The following FUT9 variants were observed in gnomAD, a reference collection of about 807,000 sequenced individuals.
FUT9 encodes the protein 4-galactosyl-N-acetylglucosaminide 3-alpha-L-fucosyltransferase 9.
In FUT9, 15 loss-of-function variants were observed where a neutral mutation model predicts 29.7. The observed-to-expected ratio is 0.51, with a 90% CI of 0.34 to 0.78. FUT9 has a LOEUF of 0.78. Among genes scored for constraint, FUT9 ranks in the 30% least tolerant of loss-of-function variants. The pLI is 0.01. For synonymous variants in FUT9, 169 were observed against 153.7 expected, an observed-to-expected ratio of 1.10 and a Z score of -0.74; for missense variants, 319 against 425.4, an observed-to-expected ratio of 0.75 and a Z score of 2.20.
chr6:96,179,454 AGAG>A (rs755769259), intron 2 of FUT9, among the ~76,000 whole-genome samples: 5 of 152,134 alleles, frequency 3.3e-5, no homozygotes, highest in Non-Finnish European at 7.4e-5. Flanking sequence ...ATGGGAGCAC[AGAG>A]GAGGAACATC....
intron 2 of FUT9, among the ~76,000 whole-genome samples, chr6:96,125,495 G>A (rs1429104163): frequency 1.3e-5 from 2 of 152,186 alleles, no homozygotes; most frequent in African/African-American, 4.8e-5. Context: ...TATTGTCTAT[G>A]TGTAAGTCAC....
chr6:96,081,831 T>C (rs1445477769), intron 1 of FUT9, among the ~76,000 whole-genome samples: 1 of 151,930 alleles, frequency 6.6e-6, no homozygotes, highest in East Asian at 1.9e-4. Flanking sequence ...CCAATACTCA[T>C]TATTGTCTCT....
In FUT9 at chr6:96,110,005, A is replaced by G. The variant is rs139807074; in HGVS notation, c.-97-4034A>G. On this transcript the variant is annotated intron_variant, in intron 1 of 2. Transcript: ENST00000302103. ...GCTTGTTACTGTCGTGGGACTTTGC[A>G]CTTTGTGTCTACTCTCCTTGTAATG... is the stretch of plus-strand genomic sequence containing the variant. Among the ~76,000 whole-genome samples, 461 of 152,154 alleles carry G rather than the reference A, an allele frequency of 3.0e-3. 1 individual carries two copies. The highest frequency in any genetic ancestry group is 0.01 in the African/African-American group (432 of 41,506).
At chr6:96,098,666 T>G (rs1157670506) in intron 1 of FUT9, among the ~76,000 whole-genome samples, 3 of 152,102 alleles carry the variant, frequency 2.0e-5, no homozygotes, top group African/African-American at 7.2e-5. Context: ...AAAATTACTT[T>G]AAGAATAATA....
chr6:96,164,483 C>A (rs945115318), intron 2 of FUT9, among the ~76,000 whole-genome samples: 1 of 152,086 alleles, frequency 6.6e-6, no homozygotes, highest in African/African-American at 2.4e-5. Context: ...TGGTCTCAAC[C>A]TCCTGACCTC....
intron 1 of FUT9, among the ~76,000 whole-genome samples, chr6:96,047,371 A>T (rs1770582476): frequency 6.6e-6 from 1 of 152,156 alleles, no homozygotes; most frequent in Admixed American, 6.6e-5. Flanking sequence ...ACATTTAGTT[A>T]CAAAATAGTT....
At chr6:96,107,945 G>A (rs1771723089) in intron 1 of FUT9, among the ~76,000 whole-genome samples, 1 of 149,842 alleles carries the variant, frequency 6.7e-6, no homozygotes, top group South Asian at 2.1e-4. Flanking sequence ...AACAAGAGCT[G>A]TAGAAGTAAG....
chr6:96,059,028 A>G (rs573199048), intron 1 of FUT9, among the ~76,000 whole-genome samples: 60 of 152,356 alleles, frequency 3.9e-4, no homozygotes, highest in African/African-American at 1.4e-3. Context: ...CTCTCTTAAT[A>G]GAACATAAAA....
chr6:96,180,935 G>GA (rs5878423), intron 2 of FUT9, among the ~76,000 whole-genome samples: 134,817 of 148,342 alleles, frequency 0.91, 62,497 homozygotes, highest in Non-Finnish European at 0.99. Context: ...TTAAGTAAAA[G>GA]AAAAAAAAAA....
chr6:96,180,802 T>C (rs1273822856), intron 2 of FUT9, among the ~76,000 whole-genome samples: 1 of 152,068 alleles, frequency 6.6e-6, no homozygotes, highest in South Asian at 2.1e-4. Flanking sequence ...CAGTATTCTA[T>C]TGTGTATATT....
chr6:96,107,711 C>T (rs1771718350), intron 1 of FUT9, among the ~76,000 whole-genome samples: 1 of 152,092 alleles, frequency 6.6e-6, no homozygotes, highest in Non-Finnish European at 1.5e-5. Flanking sequence ...GTCAATGGTC[C>T]TAAGTGTTAC....
At chr6:96,107,094 G>A (rs865928057) in intron 1 of FUT9, among the ~76,000 whole-genome samples, 37 of 152,072 alleles carry the variant, frequency 2.4e-4, no homozygotes, top group African/African-American at 7.5e-4. Context: ...TGGATCTCTA[G>A]GGCATAGCTT....
At chr6:96,095,010 C>T (rs1461440550) in intron 1 of FUT9, among the ~76,000 whole-genome samples, 1 of 152,056 alleles carries the variant, frequency 6.6e-6, no homozygotes, top group Non-Finnish European at 1.5e-5. Flanking sequence ...TCCTTTCTCA[C>T]CTCATGCTTC....
chr6:96,157,432 G>A lies in FUT9; in HGVS notation c.-9+43305G>A, dbSNP rs942494010. On this transcript the variant is annotated intron_variant, in intron 2 of 2. Coordinates refer to ENST00000302103, the MANE Select transcript of FUT9 (RefSeq NM_006581.4). ...AGTTTTGTGTTTTTCCTTTGGAAGA[G>A]AATGCCTAATAAAATGAGTTGAGGA... 1.1e-4 allele frequency among the ~76,000 whole-genome samples: 17 copies of A among 152,272 alleles called. No individual in the cohort carries two copies. In the East Asian group the frequency reaches 3.1e-3, roughly 28 times the overall value.
At chr6:96,202,923 T>C (rs1310684858) in intron 2 of FUT9, among the ~76,000 whole-genome samples, 3 of 152,190 alleles carry the variant, frequency 2.0e-5, no homozygotes, top group South Asian at 4.1e-4. Flanking sequence ...GAAGATATGC[T>C]GGTACTTTTA....
chr6:96,162,018 G>A (rs1291260584), intron 2 of FUT9, among the ~76,000 whole-genome samples: 1 of 152,082 alleles, frequency 6.6e-6, no homozygotes, highest in African/African-American at 2.4e-5. Context: ...CAGTGGTTTT[G>A]ATCTTTACCA....
intron 2 of FUT9, among the ~76,000 whole-genome samples, chr6:96,160,501 T>C (rs1386429797): frequency 6.6e-6 from 1 of 152,180 alleles, no homozygotes; most frequent in African/African-American, 2.4e-5. Flanking sequence ...GTAGTTGACA[T>C]AATATGCATG....
In FUT9 at chr6:96,206,838, G is replaced by C. The variant is rs1191221747; in HGVS notation, c.*2603G>C. The C allele has an allele frequency of 6.0e-6, 1 of 167,002 alleles. No individual in the cohort carries two copies. Among genetic ancestry groups the C allele is most frequent in the African/African-American group, 2.4e-5 (1 of 41,410 alleles). The allele number at this position is 167,002 out of a possible 1,614,324, so 10.3% of individuals were successfully genotyped here. The stretch of plus-strand genomic sequence containing the variant: ...ATTATTTCAACCTGCCTTGGCTCTA[G>C]TGAATGTTCATGATTTGAAAGAACT... On this transcript the variant is annotated 3_prime_UTR_variant, in exon 3 of 3. Transcript: ENST00000302103.
At chr6:96,115,336 T>G (rs567251039) in intron 2 of FUT9, among the ~76,000 whole-genome samples, 1 of 152,270 alleles carries the variant, frequency 6.6e-6, no homozygotes, top group Non-Finnish European at 1.5e-5. Context: ...AATGAGACAA[T>G]TTGCATTCTT....
Sources: allele counts gnomAD v4.1 joint callset (sites outside exome capture counted in the v4.1 genomes callset), GRCh38; gene constraint gnomAD v4.1.1; transcripts MANE v1.5; gene names NCBI Gene and HGNC (gene_info 2026-07-23, HGNC 2026-07-21).